The following CHSY3 variants were observed in gnomAD, a reference collection of about 807,000 sequenced individuals.
The protein encoded by CHSY3 is N-acetylgalactosaminyl-proteoglycan 3-beta-glucuronosyltransferase 3.
A neutral mutation model predicts 67.2 loss-of-function variants in CHSY3; 35 were observed. The ratio of observed to expected loss-of-function variants is 0.52; its 90% CI spans 0.40 to 0.69. The LOEUF (loss-of-function observed/expected upper bound fraction) is 0.69. Ranked by LOEUF, CHSY3 falls within the 30% of genes least tolerant of loss-of-function variation. The pLI is 0.00. For synonymous variants in CHSY3, 474 were observed against 434.7 expected (o/e 1.09, Z -1.12); for missense variants, 1,069 against 1,138.5 (o/e 0.94, Z 0.88).
intron 2 of CHSY3, among the ~76,000 whole-genome samples, chr5:129,961,526 A>G (rs1332874961): frequency 1.3e-5 from 2 of 152,022 alleles, no homozygotes; most frequent in South Asian, 2.1e-4. Flanking sequence ...ACTTAGCCCT[A>G]GAAGTTTTTC....
At chr5:130,052,416 T>C (rs1437763534) in intron 2 of CHSY3, among the ~76,000 whole-genome samples, 2 of 152,176 alleles carry the variant, frequency 1.3e-5, no homozygotes, top group African/African-American at 4.8e-5. Context: ...ATAATTGCCA[T>C]TGGGAAGATT....
intron 2 of CHSY3, among the ~76,000 whole-genome samples, chr5:130,100,179 A>T (rs1767186943): frequency 6.6e-6 from 1 of 151,848 alleles, no homozygotes; most frequent in African/African-American, 2.4e-5. Flanking sequence ...ACTCTATTTG[A>T]GGAGTTAGAT....
chr5:129,979,214 AAAAAAAAAAAAG>A (rs1166406411), intron 2 of CHSY3, among the ~76,000 whole-genome samples: 2 of 150,274 alleles, frequency 1.3e-5, no homozygotes, highest in Non-Finnish European at 3.0e-5. Context: ...AAAAAAAAAA[AAAAAAAAAAAAG>A]AAAGAAAAGA....
At chr5:130,074,644 A>G (rs1463336942) in intron 2 of CHSY3, among the ~76,000 whole-genome samples, 2 of 152,190 alleles carry the variant, frequency 1.3e-5, no homozygotes, top group Non-Finnish European at 2.9e-5. Flanking sequence ...TGGTTCTGAA[A>G]ATAGGGGACA....
chr5:129,910,204 G>C (rs1039179604), intron 2 of CHSY3, among the ~76,000 whole-genome samples: 16 of 151,932 alleles, frequency 1.1e-4, no homozygotes, highest in African/African-American at 3.9e-4. Context: ...TGATGTAAGA[G>C]CAAACAAAAG....
intron 2 of CHSY3, among the ~76,000 whole-genome samples, chr5:130,040,919 G>A (rs997829336): frequency 5.9e-5 from 9 of 152,056 alleles, no homozygotes; most frequent in Admixed American, 5.2e-4. Context: ...ATACTGTTTA[G>A]TAAGCTCAAG....
chr5:129,963,754 A>G (rs1004764356), intron 2 of CHSY3, among the ~76,000 whole-genome samples: 3 of 151,556 alleles, frequency 2.0e-5, no homozygotes, highest in Non-Finnish European at 4.4e-5. Flanking sequence ...TTTCTTCCAC[A>G]GAATTGGTTT....
chr5:129,940,578 C>T (rs1049343324), intron 2 of CHSY3, among the ~76,000 whole-genome samples: 6 of 151,926 alleles, frequency 3.9e-5, no homozygotes, highest in Non-Finnish European at 7.4e-5. Flanking sequence ...TGGAAAATTA[C>T]ATAAAATTGA....
chr5:130,035,797 A>G (rs1181113208), intron 2 of CHSY3, among the ~76,000 whole-genome samples: 1 of 151,878 alleles, frequency 6.6e-6, no homozygotes, highest in African/African-American at 2.4e-5. Flanking sequence ...TGACAATGAA[A>G]TTTAGAATAA....
At chr5:130,145,799 T>C (rs1285381903) in intron 2 of CHSY3, among the ~76,000 whole-genome samples, 1 of 151,890 alleles carries the variant, frequency 6.6e-6, no homozygotes, top group Non-Finnish European at 1.5e-5. Flanking sequence ...ATGATATTAA[T>C]AGACATTTCT....
chr5:130,102,332 T>G (rs1269388813), intron 2 of CHSY3, among the ~76,000 whole-genome samples: 1 of 152,112 alleles, frequency 6.6e-6, no homozygotes, highest in Non-Finnish European at 1.5e-5. Context: ...GATGATTTGC[T>G]GCATTAATTA....
At chr5:129,942,141 G>C (rs1246863541) in intron 2 of CHSY3, among the ~76,000 whole-genome samples, 3 of 152,114 alleles carry the variant, frequency 2.0e-5, no homozygotes, top group Non-Finnish European at 4.4e-5. Context: ...GGAAAGATTA[G>C]AGTCTTGCCT....
At chr5:130,087,280 T>G (rs543398397) in intron 2 of CHSY3, among the ~76,000 whole-genome samples, 1 of 152,264 alleles carries the variant, frequency 6.6e-6, no homozygotes, top group African/African-American at 2.4e-5. Context: ...GGGCAAAAAC[T>G]GCAAGCATTC....
At chr5:130,101,647 A>T (rs185893518) in intron 2 of CHSY3, among the ~76,000 whole-genome samples, 3 of 152,280 alleles carry the variant, frequency 2.0e-5, no homozygotes, top group African/African-American at 7.2e-5. Context: ...ATATATTGTT[A>T]TTAACTATAG....
At chr5:129,997,121 TA>T (rs35540828) in intron 2 of CHSY3, among the ~76,000 whole-genome samples, 4,469 of 145,688 alleles carry the variant, frequency 0.031, 120 homozygotes, top group African/African-American at 0.078. Context: ...TCAAAGCATT[TA>T]AAAAAAAAAA....
chr5:130,031,032 G>A (rs1484225447), intron 2 of CHSY3, among the ~76,000 whole-genome samples: 5 of 151,900 alleles, frequency 3.3e-5, no homozygotes, highest in Non-Finnish European at 5.9e-5. Context: ...TATTACTTAT[G>A]GAGTATAAGA....
At chr5:130,086,807 A>T (rs1458453161) in intron 2 of CHSY3, among the ~76,000 whole-genome samples, 2 of 152,154 alleles carry the variant, frequency 1.3e-5, no homozygotes, top group African/African-American at 4.8e-5. Flanking sequence ...AACTGGTACC[A>T]TTCCTTCTGA....
At chr5:130,128,950 T>C (rs1006452372) in intron 2 of CHSY3, among the ~76,000 whole-genome samples, 1 of 152,122 alleles carries the variant, frequency 6.6e-6, no homozygotes, top group Non-Finnish European at 1.5e-5. Context: ...TTTTCCTTTT[T>C]TTCAACAGGT....
chr5:130,065,941 A>G (rs1186346867), intron 2 of CHSY3, among the ~76,000 whole-genome samples: 2 of 152,036 alleles, frequency 1.3e-5, no homozygotes, highest in Non-Finnish European at 2.9e-5. Flanking sequence ...ATATTACATT[A>G]AGATCTCCCC....
Sources: gnomAD v4.1 joint callset for allele counts (sites outside exome capture counted in the v4.1 genomes callset) on GRCh38, gnomAD v4.1.1 for gene constraint, MANE v1.5 for transcripts, NCBI Gene and HGNC (gene_info 2026-07-23, HGNC 2026-07-21) for gene names.